AQP5: variants seen among roughly 807,000 people sequenced by gnomAD.
The protein encoded by AQP5 is aquaporin-5.
A neutral mutation model predicts 19.1 loss-of-function variants in AQP5; 15 were observed. The ratio of observed to expected loss-of-function variants is 0.79; its 90% confidence interval spans 0.53 to 1.21. The LOEUF (loss-of-function observed/expected upper bound fraction) is 1.21, where lower values mean the gene tolerates loss of function less well. Among genes scored for constraint, AQP5 ranks in the 50% most tolerant of loss-of-function variants. The pLI is 0.00. For missense variants in AQP5, 355 were observed against 357.1 expected (o/e 0.99, Z 0.05); for synonymous variants, 182 against 160.3 (o/e 1.14, Z -1.02).
In AQP5 at chr12:49,962,300, C is replaced by G. The variant is rs747324053; in HGVS notation, c.283C>G (p.Leu95Val). Reference sequence around the variant, plus strand: ...GGCTTTCTTCTACGTGGCGGCCCAGCTGGTGGGCGCCATTGCCGGGGCTGG... The same window carrying G: ...GGCTTTCTTCTACGTGGCGGCCCAGGTGGTGGGCGCCATTGCCGGGGCTGG... ...LRAFFYVAAQ[L>V]VGAIAGAGIL... Residue 95 changes from leucine to valine, a missense_variant, in exon 1 of 4, where the codon CTG becomes GTG. Physicochemically the swap from Leu to Val is conservative, Grantham distance 32. Coordinates refer to ENST00000293599, the MANE Select transcript of AQP5 (RefSeq NM_001651.4). The G allele has an allele frequency of 2.1e-5, 33 of 1,606,734 alleles. No homozygotes were observed. Among genetic ancestry groups the G allele is most frequent in the African/African-American group, 2.7e-5 (2 of 74,468 alleles).
In AQP5 at chr12:49,963,423, C is replaced by T. The variant is rs916987564; in HGVS notation, c.364-69C>T. 7 of 1,577,438 alleles carry T rather than the reference C, an allele frequency of 4.4e-6. No homozygotes were observed. In the African/African-American group the frequency reaches 8.1e-5, roughly 18 times the overall value. On this transcript the variant is annotated intron_variant, in intron 1 of 3. Transcript: ENST00000293599. ...CTAAGTGTCCCTGGAGGCCAAAAGCCCTACTCCCCGAGCCCCTGGCTATAC... is the reference window on the plus strand; with the variant it reads ...CTAAGTGTCCCTGGAGGCCAAAAGCTCTACTCCCCGAGCCCCTGGCTATAC...
In AQP5 at chr12:49,963,589, G is replaced by A. The variant is rs541231363; in HGVS notation, c.461G>A (p.Arg154His). 12 of 1,613,752 alleles carry A rather than the reference G, an allele frequency of 7.4e-6. No individual in the cohort carries two copies. The highest frequency in any genetic ancestry group is 4.0e-5 in the African/African-American group (3 of 74,948). The stretch of plus-strand genomic sequence containing the variant: ...ATCTTCGCCTCCACTGACTCCCGCC[G>A]CACCAGCCCTGTGGGCTCCCCAGCC... ...LCIFASTDSR[R>H]TSPVGSPALS... Residue 154 changes from arginine (R) to histidine (H), a missense_variant, in exon 2 of 4, where the codon CGC becomes CAC. Transcript: ENST00000293599.
chr12:49,961,876 C>A lies in AQP5; in HGVS notation c.-142C>A, dbSNP rs973865432. 16 of 338,204 alleles carry A rather than the reference C, an allele frequency of 4.7e-5. No homozygotes were observed. Among genetic ancestry groups the A allele is most frequent in the African/African-American group, 2.9e-4 (13 of 44,522 alleles). 21.0% of individuals were successfully genotyped at this position (338,204 alleles called of 1,614,324 possible). On this transcript the variant is annotated 5_prime_UTR_variant, in exon 1 of 4. Coordinates refer to ENST00000293599, the MANE Select transcript of AQP5 (RefSeq NM_001651.4). The stretch of plus-strand genomic sequence containing the variant: ...CGCCCCAGCAGGGCCCGCGCCAGGC[C>A]GCCAGCCTCGGAGTGGGCGCGGGAC...
chr12:49,963,354 TG>T, intron 1 of AQP5, 137 bp from the exon 2 acceptor site: 1 of 1,173,188 alleles, frequency 8.5e-7, no homozygotes, highest in Non-Finnish European at 1.2e-6. Context: ...ATGGCTTCGC[TG>T]GGGCGATGTC....
At position 49,962,048 on chromosome 12, in the gene AQP5, C is replaced by T; in HGVS notation, c.31C>T (p.Leu11Phe). The T allele has an allele frequency of 6.2e-7, 1 of 1,603,704 alleles. No individual in the cohort carries two copies. The highest frequency in any genetic ancestry group is 8.5e-7 in the Non-Finnish European group (1 of 1,172,452). The change falls in exon 1 of 4, where the codon CTC (leucine) becomes TTC (phenylalanine). Residue 11 changes from leucine (L) to phenylalanine (F), a missense_variant. Coordinates refer to ENST00000293599, the MANE Select transcript of AQP5 (RefSeq NM_001651.4). ...GAAGGAGGTGTGCTCCGTGGCCTTC[C>T]TCAAGGCCGTGTTCGCAGAGTTCTT... MKKEVCSVAF[L>F]KAVFAEFLAT... is the part of the protein sequence containing the mutation.
chr12:49,965,334 C>T lies in AQP5; in HGVS notation c.*157C>T. ...GCACAGTTAGAGAGGGGAGAAGGAA[C>T]CCATGATGGGACTCCTGGGGTAGGG... On this transcript the variant is annotated 3_prime_UTR_variant, in exon 4 of 4. Transcript: ENST00000293599. 1.1e-6 allele frequency: 1 copy of T among 908,744 alleles called. No individual in the cohort carries two copies. The highest frequency in any genetic ancestry group is 1.6e-6 in the Non-Finnish European group (1 of 626,736). The allele number at this position is 908,744 out of a possible 1,614,324, so 56.3% of individuals were successfully genotyped here. A position where few individuals can be genotyped will look rare whatever the true frequency, so the allele number is the denominator to read the frequency against.
intron 3 of AQP5, chr12:49,964,674 T>C: frequency 2.0e-6 from 2 of 985,206 alleles, no homozygotes; most frequent in Non-Finnish European, 2.4e-6. Flanking sequence ...TGTTCATCCG[T>C]CTCTCTGAGG....
intron 3 of AQP5, 77 bp downstream of exon 3, chr12:49,964,252 A>T: frequency 1.4e-6 from 2 of 1,476,276 alleles, no homozygotes; most frequent in East Asian, 2.3e-5. Flanking sequence ...AGCTCACCAG[A>T]CCTGGATTCT....
rs780815226 is a variant in AQP5, at chr12:49,962,140, C to G, written c.123C>G (p.Thr41=). 2.5e-6 allele frequency: 4 copies of G among 1,613,074 alleles called. No homozygotes were observed. Among genetic ancestry groups the G allele is most frequent in the Non-Finnish European group, 3.4e-6 (4 of 1,179,824 alleles). The change falls in exon 1 of 4, where the codon ACC becomes ACG. Residue 41 remains threonine (T), a synonymous_variant. Transcript: ENST00000293599. ...TCAAGTGGCCGTCGGCGCTGCCTAC[C>G]ATCCTGCAGATCGCGCTGGCGTTTG... ...SALKWPSALP[T]ILQIALAFGL...
At position 49,962,354 on chromosome 12, in the gene AQP5, G is replaced by A; in HGVS notation, c.337G>A (p.Ala113Thr). 1 of 1,597,830 alleles carries A rather than the reference G, an allele frequency of 6.3e-7. No homozygotes were observed. Among genetic ancestry groups the A allele is most frequent in the Non-Finnish European group, 8.5e-7 (1 of 1,177,008 alleles). Residue 113 changes from alanine to threonine, a missense_variant, in exon 1 of 4, where the codon GCC becomes ACC. Transcript: ENST00000293599. The part of the protein sequence containing the change: ...GILYGVAPLN[A>T]RGNLAVNALN... ...CCTCTACGGTGTGGCACCGCTCAAT[G>A]CCCGGGGCAATCTGGCCGTCAACGC...
chr12:49,962,532 A>AGAGCCTCCCAAGGCCAGGACGGCAAGAGC (rs145585963), intron 1 of AQP5, 152 bp downstream of exon 1: 1 of 1,196,250 alleles, frequency 8.4e-7, no homozygotes, highest in Non-Finnish European at 1.1e-6. Context: ...CAGGAAGGCA[A>AGAGCCTCCCAAGGCCAGGACGGCAAGAGC]CTCTCCAGGC....
Position 49,965,285 on chromosome 12 carries a change from G to C in AQP5, c.*108G>C. The C allele has an allele frequency of 7.6e-7, 1 of 1,317,360 alleles. No homozygotes were observed. 81.6% of individuals were successfully genotyped at this position (1,317,360 alleles called of 1,614,324 possible). ...TGCACAACCGGTCCTCTTGGCTGAGGAGGAGGAGCTGGTCACCCTGGCTGC... is the reference window on the plus strand; with the variant it reads ...TGCACAACCGGTCCTCTTGGCTGAGCAGGAGGAGCTGGTCACCCTGGCTGC... On this transcript the variant is annotated 3_prime_UTR_variant, in exon 4 of 4. Transcript: ENST00000293599.
intron 1 of AQP5, 124 bp from the exon 2 acceptor site, chr12:49,963,368 C>T (rs2137159448): frequency 7.6e-7 from 1 of 1,318,916 alleles, no homozygotes; most frequent in Admixed American, 2.1e-5. Flanking sequence ...GCGATGTCCA[C>T]AGGACTTGGC....
Position 49,965,010 on chromosome 12 carries a change from A to T in AQP5, c.631A>T (p.Ile211Phe). ...CCACCAGGTTTTCTGGGTAGGGCCCATCGTGGGGGCGGTCCTGGCTGCCAT... is the reference window on the plus strand; with the variant it reads ...CCACCAGGTTTTCTGGGTAGGGCCCTTCGTGGGGGCGGTCCTGGCTGCCAT... ...PAHWVFWVGP[I>F]VGAVLAAILY... Residue 211 changes from isoleucine (I) to phenylalanine (F), a missense_variant, in exon 4 of 4, where the codon ATC (isoleucine) becomes TTC (phenylalanine). Transcript: ENST00000293599. 6.2e-7 allele frequency: 1 copy of T among 1,613,558 alleles called. No individual in the cohort carries two copies. Among genetic ancestry groups the T allele is most frequent in the Non-Finnish European group, 8.5e-7 (1 of 1,179,768 alleles).
chr12:49,964,590 G>A (rs762088593), intron 3 of AQP5: 12 of 952,816 alleles, frequency 1.3e-5, no homozygotes, highest in Non-Finnish European at 1.4e-5. Flanking sequence ...CAGTCTGTCT[G>A]CCCCCCCTTT....
At position 49,962,382 on chromosome 12, in the gene AQP5, T is replaced by G. The variant is rs1274442569; in HGVS notation, c.363+2T>G. 7 of 1,451,960 alleles carry G rather than the reference T, an allele frequency of 4.8e-6. No homozygotes were observed. The highest frequency in any genetic ancestry group is 6.3e-6 in the Non-Finnish European group (7 of 1,111,818). 89.9% of individuals were successfully genotyped at this position (1,451,960 alleles called of 1,614,324 possible). On this transcript the variant is annotated splice_donor_variant, in intron 1 of 3. Transcript: ENST00000293599. LOFTEE classifies it high-confidence loss of function. Reference sequence around the variant, plus strand: ...CGGGGCAATCTGGCCGTCAACGCGGTGAGTGCCCTGGGGGGGGGGTGGGAG... The same window carrying G: ...CGGGGCAATCTGGCCGTCAACGCGGGGAGTGCCCTGGGGGGGGGGTGGGAG...
At chr12:49,964,525 A>G in intron 3 of AQP5, 2 of 519,586 alleles carry the variant, frequency 3.8e-6, no homozygotes, top group Non-Finnish European at 4.9e-6. Context: ...TGTTTTATTT[A>G]TCTGTCCCTG....
chr12:49,965,064 T>A lies in AQP5; in HGVS notation c.685T>A (p.Ser229Thr). 1 of 1,613,966 alleles carries A rather than the reference T, an allele frequency of 6.2e-7. No homozygotes were observed. The highest frequency in any genetic ancestry group is 8.5e-7 in the Non-Finnish European group (1 of 1,179,980). The change falls in exon 4 of 4, where the codon TCC becomes ACC. Residue 229 changes from serine (S) to threonine (T), a missense_variant. Physicochemically the swap from Ser to Thr is moderately conservative, Grantham distance 58. Transcript: ENST00000293599. Reference protein sequence around the residue: ...ILYFYLLFPNSLSLSERVAII... With the variant: ...ILYFYLLFPNTLSLSERVAII... Reference sequence around the variant, plus strand: ...TTACTTCTACCTGCTCTTCCCCAACTCCCTGAGCCTGAGTGAGCGTGTGGC... The same window carrying A: ...TTACTTCTACCTGCTCTTCCCCAACACCCTGAGCCTGAGTGAGCGTGTGGC...
At chr12:49,963,697 G>A (rs765502437) in intron 2 of AQP5, 41 bp downstream of exon 2, 2 of 1,591,768 alleles carry the variant, frequency 1.3e-6, no homozygotes, top group Non-Finnish European at 1.7e-6. Flanking sequence ...GGGTGGGGCA[G>A]GCACTCAAGG....
Sources: allele counts gnomAD v4.1 joint callset, GRCh38; gene constraint gnomAD v4.1.1; transcripts MANE v1.5; gene names NCBI Gene and HGNC (gene_info 2026-07-23, HGNC 2026-07-21).